Variants in SGCZ observed in about 807,000 individuals in gnomAD.
SGCZ encodes sarcoglycan zeta.
SGCZ carries 40 observed loss-of-function variants against 41.3 expected under a neutral mutation model. The observed-to-expected ratio is 0.97, with a 90% CI of 0.75 to 1.26. The LOEUF is 1.26. Among genes scored for constraint, SGCZ ranks in the 50% most tolerant of loss-of-function variants. The pLI is 0.00. For missense variants in SGCZ, 552 were observed against 369.8 expected, an observed-to-expected ratio of 1.49 and a Z score of -4.04; for synonymous variants, 206 against 137.5, an observed-to-expected ratio of 1.50 and a Z score of -3.49.
intron 2 of SGCZ, among the ~76,000 whole-genome samples, chr8:14,504,842 T>C (rs894657312): frequency 6.6e-6 from 1 of 152,162 alleles, no homozygotes; most frequent in African/African-American, 2.4e-5. Context: ...TGAACCATTA[T>C]ATTTAAAAAA....
rs570488063 is a variant in SGCZ, at chr8:14,199,596, C to T, written c.425-34894G>A. ...GCTGGTTTTACGGCTCGGGGGGCAT[C>T]ACGGAACCTGCTGACGTGTGATGTC... On this transcript the variant is annotated intron_variant, in intron 4 of 7. Coordinates refer to ENST00000382080, the MANE Select transcript of SGCZ (RefSeq NM_139167.4). Among the ~76,000 whole-genome samples, 152 of 152,100 alleles carry T rather than the reference C, an allele frequency of 1.0e-3. 1 individual carries two copies. The highest frequency in any genetic ancestry group is 3.5e-3 in the African/African-American group (147 of 41,494).
At chr8:14,838,460 G>C (rs4615568) in intron 1 of SGCZ, among the ~76,000 whole-genome samples, 39,457 of 151,908 alleles carry the variant, frequency 0.26, 6,203 homozygotes, top group East Asian at 0.47. Context: ...ATGTACCCCA[G>C]AAGACAATAT....
chr8:14,625,151 GCTCA>G (rs1369985737), intron 1 of SGCZ, among the ~76,000 whole-genome samples: 1 of 152,036 alleles, frequency 6.6e-6, no homozygotes, highest in Non-Finnish European at 1.5e-5. Context: ...ATTGAAATTT[GCTCA>G]CTGTGTTCAG....
intron 1 of SGCZ, among the ~76,000 whole-genome samples, chr8:15,069,056 G>T (rs1805258513): frequency 6.6e-6 from 1 of 152,148 alleles, no homozygotes; most frequent in South Asian, 2.1e-4. Flanking sequence ...TAAAGTATTG[G>T]CTGACAGACG....
chr8:14,159,569 G>C (rs565586138), intron 5 of SGCZ, among the ~76,000 whole-genome samples: 1 of 152,134 alleles, frequency 6.6e-6, no homozygotes, highest in Non-Finnish European at 1.5e-5. Flanking sequence ...AGTTCAAAAA[G>C]CAACTAGAAA....
intron 1 of SGCZ, among the ~76,000 whole-genome samples, chr8:14,692,613 T>C (rs1808834602): frequency 6.6e-6 from 1 of 152,160 alleles, no homozygotes; most frequent in Non-Finnish European, 1.5e-5. Context: ...GCAACTGCTT[T>C]GTGGAGAAAT....
intron 1 of SGCZ, among the ~76,000 whole-genome samples, chr8:14,671,083 T>G (rs549655083): frequency 1.3e-5 from 2 of 152,356 alleles, no homozygotes; most frequent in African/African-American, 4.8e-5. Context: ...TCTTCTTCAG[T>G]GTCTCTGGAT....
At chr8:14,253,905 C>A (rs1358915554) in intron 3 of SGCZ, among the ~76,000 whole-genome samples, 1 of 148,124 alleles carries the variant, frequency 6.8e-6, no homozygotes, top group African/African-American at 2.5e-5. Context: ...ATCTTTTTTA[C>A]ATGTAAAAAA....
intron 1 of SGCZ, among the ~76,000 whole-genome samples, chr8:14,710,430 C>T (rs1585200266): frequency 7.1e-6 from 1 of 140,502 alleles, no homozygotes; most frequent in Non-Finnish European, 1.6e-5. Context: ...CTTGATCTAA[C>T]AATTCAATGG....
chr8:14,483,552 C>G (rs905492728), intron 2 of SGCZ, among the ~76,000 whole-genome samples: 1 of 152,158 alleles, frequency 6.6e-6, no homozygotes, highest in African/African-American at 2.4e-5. Context: ...GGCTAGGCAA[C>G]AGAGTGACAC....
intron 1 of SGCZ, among the ~76,000 whole-genome samples, chr8:14,763,598 A>G (rs1799953010): frequency 6.6e-6 from 1 of 152,146 alleles, no homozygotes. Context: ...CTCCAGTTAA[A>G]CTTGGAAAAG....
At chr8:14,734,851 A>T (rs968801922) in intron 1 of SGCZ, among the ~76,000 whole-genome samples, 2 of 6,190 alleles carry the variant, frequency 3.2e-4, no homozygotes, top group Non-Finnish European at 5.8e-4. Context: ...CCTTAATTTA[A>T]AAAAAATTAA....
intron 1 of SGCZ, among the ~76,000 whole-genome samples, chr8:15,176,567 A>G (rs1800006457): frequency 6.6e-6 from 1 of 152,262 alleles, no homozygotes; most frequent in Non-Finnish European, 1.5e-5. Context: ...GTAATATTTC[A>G]TAGAAGAATT....
At chr8:15,196,835 T>C (rs1800747741) in intron 1 of SGCZ, among the ~76,000 whole-genome samples, 1 of 152,202 alleles carries the variant, frequency 6.6e-6, no homozygotes, top group Admixed American at 6.5e-5. Flanking sequence ...GGCTCACTCA[T>C]GTAGCCGCAT....
At chr8:14,880,589 G>T (rs1468469545) in intron 1 of SGCZ, among the ~76,000 whole-genome samples, 1 of 152,184 alleles carries the variant, frequency 6.6e-6, no homozygotes, top group Admixed American at 6.5e-5. Context: ...TTAAGAAAAT[G>T]TGGCACATAT....
chr8:15,073,056 G>A (rs1398467690), intron 1 of SGCZ, among the ~76,000 whole-genome samples: 7 of 152,138 alleles, frequency 4.6e-5, no homozygotes, highest in African/African-American at 7.2e-5. Flanking sequence ...AGACATGTTC[G>A]GTTTCCTGTA....
chr8:14,539,989 G>A lies in SGCZ; in HGVS notation c.234+14743C>T, dbSNP rs1421071813. Among the ~76,000 whole-genome samples, 6 of 151,962 alleles carry A rather than the reference G, an allele frequency of 3.9e-5. No homozygotes were observed. The South Asian group carries it at 6.2e-4, about 16-fold the overall frequency. ...AAAGAGAAACAGGTGAACACAACACGCTGAGACAAAATTTAAGAAGCCTGA... is the reference window on the plus strand; with the variant it reads ...AAAGAGAAACAGGTGAACACAACACACTGAGACAAAATTTAAGAAGCCTGA... On this transcript the variant is annotated intron_variant, in intron 2 of 7. Coordinates refer to ENST00000382080, the MANE Select transcript of SGCZ (RefSeq NM_139167.4).
chr8:14,408,284 T>A (rs542011820), intron 2 of SGCZ, among the ~76,000 whole-genome samples: 3 of 152,140 alleles, frequency 2.0e-5, no homozygotes, highest in Non-Finnish European at 4.4e-5. Context: ...GACTGTTTGT[T>A]TAATCCATTT....
At chr8:14,232,280 T>C (rs946493908) in intron 4 of SGCZ, among the ~76,000 whole-genome samples, 2 of 152,000 alleles carry the variant, frequency 1.3e-5, no homozygotes, top group Non-Finnish European at 2.9e-5. Flanking sequence ...TTCATAAACC[T>C]TCTTGGACAA....
Sources: allele counts gnomAD v4.1 joint callset (sites outside exome capture counted in the v4.1 genomes callset), GRCh38; gene constraint gnomAD v4.1.1; transcripts MANE v1.5; gene names NCBI Gene and HGNC (gene_info 2026-07-23, HGNC 2026-07-21).